Variants in PCNX1 observed in about 807,000 individuals in gnomAD.
PCNX1 encodes pecanex-like protein 1.
Under a neutral mutation model 242.2 loss-of-function variants are expected in PCNX1, and 78 were observed. The observed-to-expected ratio is 0.32, with a 90% CI of 0.27 to 0.39. PCNX1 has a LOEUF of 0.39. Among genes scored for constraint, PCNX1 ranks in the 10% least tolerant of loss-of-function variants. The probability of loss-of-function intolerance (pLI) is 1.00; values close to 1 mark genes in which losing one functional copy is unlikely to be tolerated. For synonymous variants in PCNX1, 1,024 were observed against 1,032.9 expected (o/e 0.99, Z 0.17); for missense variants, 2,581 against 2,856.5 (o/e 0.90, Z 2.20).
At chr14:71,007,993 G>T (rs1007702319) in intron 8 of PCNX1, among the ~76,000 whole-genome samples, 1 of 151,746 alleles carries the variant, frequency 6.6e-6, no homozygotes, top group Admixed American at 6.6e-5. Context: ...TTTACATGCT[G>T]AATAACCTTG....
chr14:70,989,412 A>G (rs1042509055), intron 7 of PCNX1, among the ~76,000 whole-genome samples: 1 of 152,084 alleles, frequency 6.6e-6, no homozygotes, highest in Non-Finnish European at 1.5e-5. Flanking sequence ...TTAAAATTCC[A>G]GTAACTACTT....
rs145477750 is a variant in PCNX1 at position 70,977,041 on chromosome 14, A to G, written c.704A>G (p.Asp235Gly). ...LSSCGQDLPR[D>G]FSDKVNLPSH... is the part of the protein sequence containing the mutation. The stretch of plus-strand genomic sequence containing the variant: ...TCTTGTGGACAGGACTTGCCAAGGG[A>G]CTTCAGTGACAAAGTGAACCTGCCA... The change falls in exon 6 of 36, where the codon GAC (aspartate) becomes GGC (glycine). Residue 235 changes from aspartate (D) to glycine (G), a missense_variant. Asp to Gly is a moderately conservative substitution (Grantham distance 94). Transcript: ENST00000304743. The G allele has an allele frequency of 3.2e-4, 523 of 1,614,022 alleles. 1 individual carries two copies. The highest frequency in any genetic ancestry group is 4.2e-4 in the Non-Finnish European group (500 of 1,180,038).
intron 29 of PCNX1, 72 bp from the exon 30 acceptor site, chr14:71,089,120 C>A: frequency 2.6e-6 from 3 of 1,140,838 alleles, no homozygotes; most frequent in Non-Finnish European, 3.8e-6. Flanking sequence ...CTGATGCACA[C>A]GCAGATGTAA....
intron 33 of PCNX1, among the ~76,000 whole-genome samples, chr14:71,108,236 T>A (rs1270462479): frequency 1.3e-5 from 2 of 152,240 alleles, no homozygotes; most frequent in Non-Finnish European, 2.9e-5. Flanking sequence ...ATATTTCATT[T>A]CTGATATATT....
chr14:71,031,939 C>T (rs4467005), intron 16 of PCNX1: 697,337 of 1,404,338 alleles, frequency 0.5, 178,682 homozygotes, highest in East Asian at 0.74. Context: ...GCGGAACTCC[C>T]CAAAGGCAAA....
intron 28 of PCNX1, chr14:71,078,559 C>G (rs1329347423): frequency 6.6e-6 from 1 of 152,184 alleles, no homozygotes; most frequent in Non-Finnish European, 1.5e-5. Context: ...GTGAGAATTT[C>G]TAATGCAATT....
chr14:70,965,056 A>G (rs141155773), intron 3 of PCNX1, among the ~76,000 whole-genome samples: 62 of 152,246 alleles, frequency 4.1e-4, no homozygotes, highest in Admixed American at 1.6e-3. Flanking sequence ...ATCATATTTT[A>G]TATAAATTTG....
rs1455479727 is a variant in PCNX1 at position 71,026,253 on chromosome 14, C to T, written c.3320C>T (p.Pro1107Leu). Residue 1107 changes from proline to leucine, a missense_variant, in exon 14 of 36, where the codon CCA becomes CTA. Pro to Leu is a moderately conservative substitution (Grantham distance 98). Coordinates refer to ENST00000304743, the MANE Select transcript of PCNX1 (RefSeq NM_014982.3). Reference sequence around the variant, plus strand: ...TTATATGGAATAACTTTCACCAATCCACTGGTGTTTATATCAGCCAGGGAT... The same window carrying T: ...TTATATGGAATAACTTTCACCAATCTACTGGTGTTTATATCAGCCAGGGAT... ...FKLYGITFTN[P>L]LVFISARDLV... 6.2e-7 allele frequency: 1 copy of T among 1,608,748 alleles called. No homozygotes were observed. Among genetic ancestry groups the T allele is most frequent in the East Asian group, 2.2e-5 (1 of 44,718 alleles).
chr14:70,954,778 G>A (rs2057928557), intron 2 of PCNX1, among the ~76,000 whole-genome samples: 3 of 151,896 alleles, frequency 2.0e-5, no homozygotes, highest in Admixed American at 2.0e-4. Flanking sequence ...ATGATATGTA[G>A]CACATGGTTA....
At chr14:70,912,747 A>G (rs967437464) in intron 1 of PCNX1, among the ~76,000 whole-genome samples, 1 of 152,200 alleles carries the variant, frequency 6.6e-6, no homozygotes, top group Non-Finnish European at 1.5e-5. Flanking sequence ...CAGAATCTTT[A>G]TTAAGCCACC....
chr14:71,028,433 A>T (rs1348943359), intron 15 of PCNX1, among the ~76,000 whole-genome samples: 4 of 151,968 alleles, frequency 2.6e-5, no homozygotes, highest in Non-Finnish European at 5.9e-5. Context: ...CATAATATAG[A>T]TAAAATTTTT....
intron 5 of PCNX1, among the ~76,000 whole-genome samples, chr14:70,970,518 CTTATT>C (rs1231247162): frequency 6.6e-6 from 1 of 152,082 alleles, no homozygotes; most frequent in Non-Finnish European, 1.5e-5. Flanking sequence ...GATTATATAT[CTTATT>C]TTATATCTGG....
At chr14:70,970,318 G>A (rs895132894) in intron 5 of PCNX1, among the ~76,000 whole-genome samples, 2 of 150,950 alleles carry the variant, frequency 1.3e-5, no homozygotes, top group Admixed American at 6.6e-5. Flanking sequence ...ATAAGTTGTG[G>A]TAGTGCCACC....
At chr14:71,102,851 A>G (rs2062500082) in intron 31 of PCNX1, among the ~76,000 whole-genome samples, 1 of 152,208 alleles carries the variant, frequency 6.6e-6, no homozygotes, top group South Asian at 2.1e-4. Context: ...TGCTAATATA[A>G]TATGATTCTT....
chr14:70,926,744 A>T lies in PCNX1; in HGVS notation c.153+18741A>T, dbSNP rs1313634843. Among the ~76,000 whole-genome samples the T allele has an allele frequency of 2.0e-5, 3 of 152,232 alleles. No individual in the cohort carries two copies. In the East Asian group the frequency reaches 5.8e-4, roughly 29 times the overall value. ...GGGGGCAGAAATTAACTCTTGAGGG[A>T]TGCATGTGTGAAAAAAAAATCTTAT... is the stretch of plus-strand genomic sequence containing the variant. On this transcript the variant is annotated intron_variant, in intron 1 of 35. Coordinates refer to ENST00000304743, the MANE Select transcript of PCNX1 (RefSeq NM_014982.3).
rs1017278467 is a variant in PCNX1 at position 71,087,883 on chromosome 14, C to T, written c.5338-447C>T. Reference sequence around the variant, plus strand: ...TTTATGAATATCAACTTGATTTTCACTATGTTTATAGTCACTAATAGGCTA... The same window carrying T: ...TTTATGAATATCAACTTGATTTTCATTATGTTTATAGTCACTAATAGGCTA... On this transcript the variant is annotated intron_variant, in intron 28 of 35. Transcript: ENST00000304743. Among the ~76,000 whole-genome samples, 4 of 151,992 alleles carry T rather than the reference C, an allele frequency of 2.6e-5. No homozygotes were observed. In the South Asian group the frequency reaches 8.3e-4, roughly 32 times the overall value.
chr14:71,068,367 C>G, intron 26 of PCNX1, among the ~76,000 whole-genome samples: 1 of 150,058 alleles, frequency 6.7e-6, no homozygotes, highest in East Asian at 2.0e-4. Flanking sequence ...TGTATACATA[C>G]ATGTATACAT....
intron 16 of PCNX1, among the ~76,000 whole-genome samples, chr14:71,030,854 G>C (rs2060361793): frequency 6.6e-6 from 1 of 151,982 alleles, no homozygotes; most frequent in Non-Finnish European, 1.5e-5. Context: ...TCATAAATGA[G>C]GTCCTGAGCA....
Position 71,047,120 on chromosome 14 carries a change from C to T in PCNX1, c.4160+15C>T, listed in dbSNP as rs753800237. ...CTGAATACAGAGTAAGTATAGTAGTCTTCTAATATTGTCTGACTACTGGGG... is the reference window on the plus strand; with the variant it reads ...CTGAATACAGAGTAAGTATAGTAGTTTTCTAATATTGTCTGACTACTGGGG... On this transcript the variant is annotated intron_variant, in intron 21 of 35. Coordinates refer to ENST00000304743, the MANE Select transcript of PCNX1 (RefSeq NM_014982.3). 6.8e-6 allele frequency: 10 copies of T among 1,477,244 alleles called. No homozygotes were observed. Among genetic ancestry groups the T allele is most frequent in the Non-Finnish European group, 9.2e-6 (10 of 1,089,088 alleles). The allele number at this position is 1,477,244 out of a possible 1,614,324, so 91.5% of individuals were successfully genotyped here.
Sources: allele counts gnomAD v4.1 joint callset (sites outside exome capture counted in the v4.1 genomes callset), GRCh38; gene constraint gnomAD v4.1.1; transcripts MANE v1.5; gene names NCBI Gene and HGNC (gene_info 2026-07-23, HGNC 2026-07-21).